The following PNLDC1 variants were observed in gnomAD, a reference collection of about 807,000 sequenced individuals.
The protein encoded by PNLDC1 is PARN like ribonuclease domain containing exonuclease 1, also known as poly(A)-specific ribonuclease PNLDC1.
PNLDC1 carries 70 observed loss-of-function variants against 82.0 expected under a neutral mutation model. The observed-to-expected ratio is 0.85, with a 90% confidence interval of 0.70 to 1.04. The LOEUF (loss-of-function observed/expected upper bound fraction) is 1.04. PNLDC1 is among the 50% of genes least tolerant of loss of function. The pLI, the probability that PNLDC1 is intolerant of heterozygous loss-of-function variation, is 0.00. For missense variants in PNLDC1, 631 were observed against 661.1 expected (o/e 0.95, Z 0.50); for synonymous variants, 280 against 249.3 (o/e 1.12, Z -1.16).
At chr6:159,803,046 A>C (rs1781320103) in intron 3 of PNLDC1, among the ~76,000 whole-genome samples, 8 of 152,234 alleles carry the variant, frequency 5.3e-5, no homozygotes, top group Admixed American at 5.2e-4. Context: ...CTGTATTTGA[A>C]GAACAGGCCA....
intron 12 of PNLDC1, among the ~76,000 whole-genome samples, chr6:159,815,644 A>G (rs1446174868): frequency 1.3e-5 from 2 of 152,184 alleles, no homozygotes; most frequent in Non-Finnish European, 2.9e-5. Context: ...AGAGGCAGGC[A>G]TAATTGTCTC....
In PNLDC1 at chr6:159,800,373, C is replaced by T. The variant is rs1274757958; in HGVS notation, c.66C>T (p.Ala22=). The T allele has an allele frequency of 1.7e-5, 27 of 1,547,972 alleles. No individual in the cohort carries two copies. The highest frequency in any genetic ancestry group is 2.2e-4 in the Middle Eastern group (1 of 4,474). Residue 22 remains alanine (A), a synonymous_variant, in exon 1 of 19, where the codon GCC becomes GCT. Transcript: ENST00000392167. ...TGCTGCAGGAGCTCGTCCAGGAGGC[C>T]GACTTCGTGGGTGAAGAGCCTGGGA... ...LPLLQELVQE[A]DFVGLDIEFT... is the part of the protein sequence containing the mutation.
chr6:159,811,857 G>T, intron 11 of PNLDC1, 71 bp downstream of exon 11: 2 of 1,191,634 alleles, frequency 1.7e-6, no homozygotes, highest in South Asian at 1.3e-5. Context: ...TTCTCTTGTG[G>T]GGTTTTTTTC....
chr6:159,818,472 C>A, intron 15 of PNLDC1, 83 bp from the exon 16 acceptor site: 1 of 1,250,710 alleles, frequency 8.0e-7, no homozygotes, highest in Non-Finnish European at 1.2e-6. Context: ...TCCTTCTGTT[C>A]TGTCACCGGA....
intron 14 of PNLDC1, 34 bp downstream of exon 14, chr6:159,816,630 C>A: frequency 7.6e-7 from 1 of 1,309,210 alleles, no homozygotes; most frequent in Non-Finnish European, 1.1e-6. Flanking sequence ...AGGAAACTCA[C>A]TTTTTTTTTT....
In PNLDC1 at chr6:159,814,988, G is replaced by A. The variant is rs571371644; in HGVS notation, c.996-981G>A. ...GCCTGTTTTACAGATGGGGACATTA[G>A]GGGTCAGGAGGCTAAGCACGTGAGG... On this transcript the variant is annotated intron_variant, in intron 12 of 18. Coordinates refer to ENST00000392167, the MANE Select transcript of PNLDC1 (RefSeq NM_001271862.2). 5.9e-5 allele frequency among the ~76,000 whole-genome samples: 9 copies of A among 152,288 alleles called. No individual in the cohort carries two copies. The East Asian group carries it at 1.7e-3, about 29-fold the overall frequency.
Position 159,802,687 on chromosome 6 carries a change from A to G in PNLDC1, c.209-584A>G, listed in dbSNP as rs191590819. On this transcript the variant is annotated intron_variant, in intron 3 of 18. Coordinates refer to ENST00000392167, the MANE Select transcript of PNLDC1 (RefSeq NM_001271862.2). ...CACCCTTGCCTCCCAGGCCCAAGCAATTCTCCTGCCTCAGCCTCCTGAGTA... is the reference window on the plus strand; with the variant it reads ...CACCCTTGCCTCCCAGGCCCAAGCAGTTCTCCTGCCTCAGCCTCCTGAGTA... Among the ~76,000 whole-genome samples, 674 of 152,164 alleles carry G rather than the reference A, an allele frequency of 4.4e-3. 3 individuals are homozygous for G. Among genetic ancestry groups the G allele is most frequent in the Non-Finnish European group, 6.9e-3 (467 of 68,000 alleles).
At chr6:159,802,207 A>G (rs1010141674) in intron 3 of PNLDC1, among the ~76,000 whole-genome samples, 13 of 152,368 alleles carry the variant, frequency 8.5e-5, no homozygotes, top group Non-Finnish European at 5.9e-5. Context: ...TGAACAAATG[A>G]GCATGGCTCC....
chr6:159,808,736 G>C lies in PNLDC1; in HGVS notation c.563-4G>C. The C allele has an allele frequency of 6.2e-7, 1 of 1,613,116 alleles. No individual in the cohort carries two copies. The highest frequency in any genetic ancestry group is 8.5e-7 in the Non-Finnish European group (1 of 1,179,592). ...CTGTGTGCCCCTGTGTTTCCCTGCT[G>C]CAGGCTTCCAGGCCTTTGAGGTCCA... On this transcript the variant is annotated splice_region_variant and splice_polypyrimidine_tract_variant and intron_variant, in intron 7 of 18. Coordinates refer to ENST00000392167, the MANE Select transcript of PNLDC1 (RefSeq NM_001271862.2).
intron 10 of PNLDC1, among the ~76,000 whole-genome samples, chr6:159,810,922 A>G (rs1184182935): frequency 6.6e-6 from 1 of 152,228 alleles, no homozygotes; most frequent in Non-Finnish European, 1.5e-5. Context: ...GTACAACAAA[A>G]TAAGCGCTGG....
intron 3 of PNLDC1, among the ~76,000 whole-genome samples, chr6:159,802,581 ATTTG>A (rs1373901950): frequency 2.0e-5 from 3 of 151,006 alleles, no homozygotes; most frequent in African/African-American, 7.3e-5. Context: ...TTGTACCCAA[ATTTG>A]TTTGGGGGGA....
rs749542972 is a variant in PNLDC1 at position 159,809,155 on chromosome 6, G to A, written c.780G>A (p.Gln260=). 3.1e-6 allele frequency: 5 copies of A among 1,613,744 alleles called. No homozygotes were observed. The highest frequency in any genetic ancestry group is 4.2e-6 in the Non-Finnish European group (5 of 1,179,978). Residue 260 remains glutamine (Q), a synonymous_variant, in exon 9 of 19, where the codon CAG becomes CAA. Coordinates refer to ENST00000392167, the MANE Select transcript of PNLDC1 (RefSeq NM_001271862.2). The part of the protein sequence containing the change: ...SVFFQMLVKA[Q]KPLVGHNMMM... The stretch of plus-strand genomic sequence containing the variant: ...TTTTCCAAATGCTGGTGAAAGCCCA[G>A]AAGGTAGGAAAACATGTCTCTTTTC...
At chr6:159,816,189 C>G (rs1168799405) in intron 13 of PNLDC1, among the ~76,000 whole-genome samples, 156 bp downstream of exon 13, 1 of 127,600 alleles carries the variant, frequency 7.8e-6, no homozygotes, top group Non-Finnish European at 1.7e-5. Flanking sequence ...CCCCACCTCT[C>G]CCCCTGCCCC....
At chr6:159,817,085 A>C (rs775612584) in intron 14 of PNLDC1, 24 bp from the exon 15 acceptor site, 1 of 1,604,074 alleles carries the variant, frequency 6.2e-7, no homozygotes, top group Non-Finnish European at 8.5e-7. Context: ...GCTCTATTGC[A>C]TTTCTGTCTT....
chr6:159,813,867 A>G (rs1180453653), intron 12 of PNLDC1, among the ~76,000 whole-genome samples: 1 of 152,086 alleles, frequency 6.6e-6, no homozygotes. Context: ...GAGACAGGAA[A>G]TCTCTCAACC....
chr6:159,804,754 T>A lies in PNLDC1; in HGVS notation c.461+117T>A. 6 of 686,774 alleles carry A rather than the reference T, an allele frequency of 8.7e-6. 1 individual carries two copies. The South Asian group carries it at 1.2e-4, about 13-fold the overall frequency. 42.5% of individuals were successfully genotyped at this position (686,774 alleles called of 1,614,324 possible). On this transcript the variant is annotated intron_variant, in intron 6 of 18. Coordinates refer to ENST00000392167, the MANE Select transcript of PNLDC1 (RefSeq NM_001271862.2). ...GACCTCCATCCATGCTTGGCGGGGA[T>A]GGCTTCAGCTGCCTGTGCAGCTGGC...
Position 159,811,797 on chromosome 6 carries a change from G to A in PNLDC1, c.939+11G>A, listed in dbSNP as rs772709782. On this transcript the variant is annotated intron_variant, in intron 11 of 18. Coordinates refer to ENST00000392167, the MANE Select transcript of PNLDC1 (RefSeq NM_001271862.2). ...AAGGATATCTGGAAGGTAATGAATA[G>A]AACTGCTTTGGGTTAAGAACTGCTT... 1.9e-6 allele frequency: 3 copies of A among 1,590,312 alleles called. No homozygotes were observed. Among genetic ancestry groups the A allele is most frequent in the South Asian group, 2.2e-5 (2 of 90,336 alleles).
At position 159,816,043 on chromosome 6, in the gene PNLDC1, C is replaced by T. The variant is rs772014935; in HGVS notation, c.1060+10C>T. On this transcript the variant is annotated intron_variant, in intron 13 of 18. Coordinates refer to ENST00000392167, the MANE Select transcript of PNLDC1 (RefSeq NM_001271862.2). The stretch of plus-strand genomic sequence containing the variant: ...AGGTGTGAGAAATATGGTACGTTCC[C>T]ATGAGCCCATAATCCTTGCACAGTC... 6.8e-6 allele frequency: 11 copies of T among 1,610,466 alleles called. 1 individual carries two copies. The East Asian group carries it at 1.1e-4, about 16-fold the overall frequency.
chr6:159,802,413 C>A (rs182176823), intron 3 of PNLDC1, among the ~76,000 whole-genome samples: 1 of 152,028 alleles, frequency 6.6e-6, no homozygotes, highest in African/African-American at 2.4e-5. Context: ...CCAGCCCCTG[C>A]TTTTACTATG....
Sources: gnomAD v4.1 joint callset for allele counts (sites outside exome capture counted in the v4.1 genomes callset) on GRCh38, gnomAD v4.1.1 for gene constraint, MANE v1.5 for transcripts, NCBI Gene and HGNC (gene_info 2026-07-23, HGNC 2026-07-21) for gene names.